The following B3GALT1 variants were observed in gnomAD, a reference collection of about 807,000 sequenced individuals.
B3GALT1 encodes beta-1,3-galactosyltransferase 1, also known as UDP-Gal:betaGlcNAc beta 1,3-galactosyltransferase, polypeptide 1.
In B3GALT1, 10 loss-of-function variants were observed where a neutral mutation model predicts 23.2. The observed-to-expected ratio is 0.43, with a 90% confidence interval of 0.27 to 0.73. The LOEUF (loss-of-function observed/expected upper bound fraction) is 0.73, where lower values mean the gene tolerates loss of function less well. Among genes scored for constraint, B3GALT1 ranks in the 30% least tolerant of loss-of-function variants. The probability of loss-of-function intolerance (pLI) is 0.21; values close to 1 mark genes in which losing one functional copy is unlikely to be tolerated. For synonymous variants in B3GALT1, 156 were observed against 141.5 expected (o/e 1.10, Z -0.73); for missense variants, 299 against 405.4 (o/e 0.74, Z 2.25).
chr2:167,529,352 A>G (rs1176349525), intron 2 of B3GALT1, among the ~76,000 whole-genome samples: 2 of 151,916 alleles, frequency 1.3e-5, no homozygotes, highest in East Asian at 4.0e-4. Context: ...CCAAAATACC[A>G]TCTATGTACA....
At chr2:167,561,822 C>A (rs878892469) in intron 2 of B3GALT1, among the ~76,000 whole-genome samples, 2 of 152,168 alleles carry the variant, frequency 1.3e-5, no homozygotes, top group Non-Finnish European at 2.9e-5. Context: ...CAACAGCTTA[C>A]CAACCAAGAA....
At chr2:167,520,445 T>C (rs921494061) in intron 2 of B3GALT1, among the ~76,000 whole-genome samples, 40 of 152,122 alleles carry the variant, frequency 2.6e-4, no homozygotes, top group Admixed American at 2.6e-4. Flanking sequence ...AGGAGCATTG[T>C]TGTGGTGGAG....
intron 1 of B3GALT1, among the ~76,000 whole-genome samples, chr2:167,359,438 T>G (rs1169743157): frequency 6.6e-6 from 1 of 152,232 alleles, no homozygotes; most frequent in African/African-American, 2.4e-5. Context: ...GTGTAAACTT[T>G]CAATTACAGT....
rs550397609 is a variant in B3GALT1, at chr2:167,668,052, C to T, written c.-352+21086C>T. Among the ~76,000 whole-genome samples, 80 of 152,240 alleles carry T rather than the reference C, an allele frequency of 5.3e-4. 1 individual carries two copies. The East Asian group carries it at 0.013, about 25-fold the overall frequency. ...CTTTTTAGAGTTTCCAGTTTTTCTG[C>T]TCTGTTTTTTCCCCATCTTTGTGGT... On this transcript the variant is annotated intron_variant, in intron 3 of 4. Transcript: ENST00000392690.
At chr2:167,677,733 A>G (rs1686452216) in intron 3 of B3GALT1, among the ~76,000 whole-genome samples, 2 of 152,102 alleles carry the variant, frequency 1.3e-5, no homozygotes, top group Admixed American at 6.5e-5. Flanking sequence ...TCATGCTGCT[A>G]TAAGGACCTA....
chr2:167,636,201 C>A (rs1685551259), intron 2 of B3GALT1, among the ~76,000 whole-genome samples: 1 of 151,964 alleles, frequency 6.6e-6, no homozygotes, highest in African/African-American at 2.4e-5. Flanking sequence ...TTAACTTTAA[C>A]CATCACTGGT....
intron 2 of B3GALT1, among the ~76,000 whole-genome samples, chr2:167,558,761 G>T (rs900123117): frequency 6.6e-6 from 1 of 152,220 alleles, no homozygotes; most frequent in Non-Finnish European, 1.5e-5. Context: ...GGGGAGGGGC[G>T]CCCACCATTG....
chr2:167,736,304 A>G (rs772623465), intron 3 of B3GALT1, among the ~76,000 whole-genome samples: 14 of 152,228 alleles, frequency 9.2e-5, no homozygotes, highest in Admixed American at 2.0e-4. Context: ...TCATTCAAAA[A>G]TAGCATTTCA....
rs1205761993 is a variant in B3GALT1 at position 167,495,387 on chromosome 2, G to A, written c.-410+5110G>A. ...TTGCTCTTGGTTTCCAGGCTGGAGT[G>A]CAATGTCACAATCTCAGCTCACTGC... On this transcript the variant is annotated intron_variant, in intron 2 of 4. Transcript: ENST00000392690. 4.0e-4 allele frequency among the ~76,000 whole-genome samples: 57 copies of A among 141,822 alleles called. No homozygotes were observed. In the Admixed American group the frequency reaches 4.1e-3, roughly 10 times the overall value. The allele number at this position is 141,822 out of a possible 152,430, so 93.0% of individuals were successfully genotyped here.
At chr2:167,663,898 C>A (rs1205367184) in intron 3 of B3GALT1, among the ~76,000 whole-genome samples, 2 of 151,436 alleles carry the variant, frequency 1.3e-5, no homozygotes, top group African/African-American at 4.9e-5. Context: ...AAATTTTCTC[C>A]CATTTTGTGG....
intron 1 of B3GALT1, among the ~76,000 whole-genome samples, chr2:167,378,197 G>C (rs1333089252): frequency 2.6e-5 from 4 of 152,108 alleles, no homozygotes; most frequent in Non-Finnish European, 5.9e-5. Flanking sequence ...TCCACTGTTA[G>C]CTTGATGGGG....
intron 3 of B3GALT1, among the ~76,000 whole-genome samples, chr2:167,701,772 A>C (rs1455554990): frequency 6.6e-6 from 1 of 152,236 alleles, no homozygotes; most frequent in African/African-American, 2.4e-5. Context: ...ATAAGCTTTC[A>C]AATTTGGCAT....
chr2:167,699,380 A>ATTTTTT (rs1169813738), intron 3 of B3GALT1, among the ~76,000 whole-genome samples: 141 of 100,140 alleles, frequency 1.4e-3, no homozygotes, highest in Non-Finnish European at 1.8e-3. Context: ...CATTATTTCT[A>ATTTTTT]TTTTTTTTTT....
At chr2:167,633,543 T>C (rs1425682284) in intron 2 of B3GALT1, among the ~76,000 whole-genome samples, 1 of 151,374 alleles carries the variant, frequency 6.6e-6, no homozygotes, top group Non-Finnish European at 1.5e-5. Flanking sequence ...TCCTAGTCTC[T>C]CATAAAACAC....
At chr2:167,714,556 ATTAGGATCT>A in intron 3 of B3GALT1, 1 of 1,613,294 alleles carries the variant, frequency 6.2e-7, no homozygotes, top group Non-Finnish European at 8.5e-7. Context: ...CATCAAGTGC[ATTAGGATCT>A]TTTTCTAAAA....
intron 1 of B3GALT1, among the ~76,000 whole-genome samples, chr2:167,343,737 A>G (rs2105249814): frequency 6.6e-6 from 1 of 152,252 alleles, no homozygotes; most frequent in African/African-American, 2.4e-5. Context: ...AAAAAGATAT[A>G]GATTATGAGC....
At chr2:167,556,243 T>C (rs1233119598) in intron 2 of B3GALT1, among the ~76,000 whole-genome samples, 1 of 152,094 alleles carries the variant, frequency 6.6e-6, no homozygotes, top group African/African-American at 2.4e-5. Context: ...ACTCAGAGGT[T>C]GAATTAAAAA....
At chr2:167,426,722 CAGTT>C (rs772131106) in intron 1 of B3GALT1, among the ~76,000 whole-genome samples, 93 of 152,218 alleles carry the variant, frequency 6.1e-4, no homozygotes, top group Admixed American at 1.1e-3. Flanking sequence ...CAAATTTACA[CAGTT>C]AGGCAGTGAC....
chr2:167,547,892 A>G (rs938741940), intron 2 of B3GALT1, among the ~76,000 whole-genome samples: 5 of 152,130 alleles, frequency 3.3e-5, no homozygotes, highest in Admixed American at 6.6e-5. Flanking sequence ...CTAAATGACA[A>G]TTTCCACTGG....
Sources: allele counts gnomAD v4.1 joint callset (sites outside exome capture counted in the v4.1 genomes callset), GRCh38; gene constraint gnomAD v4.1.1; transcripts MANE v1.5; gene names NCBI Gene and HGNC (gene_info 2026-07-23, HGNC 2026-07-21).